DNAJC10: variants seen among roughly 807,000 people sequenced by gnomAD.
DNAJC10 encodes the protein DnaJ heat shock protein family (Hsp40) member C10.
Under a neutral mutation model 115.0 loss-of-function variants are expected in DNAJC10, and 101 were observed. The ratio of observed to expected loss-of-function variants is 0.88; its 90% CI spans 0.75 to 1.04. The LOEUF is 1.04. DNAJC10 is among the 50% of genes least tolerant of loss of function. The pLI is 0.00. For synonymous variants in DNAJC10, 307 were observed against 301.5 expected (o/e 1.02, Z -0.19); for missense variants, 981 against 928.8 (o/e 1.06, Z -0.73).
chr2:182,726,958 G>A (rs1321618202), intron 5 of DNAJC10, among the ~76,000 whole-genome samples: 2 of 152,096 alleles, frequency 1.3e-5, no homozygotes, highest in Non-Finnish European at 2.9e-5. Context: ...CTGGGCTCAA[G>A]TGATCCTCCT....
At position 182,736,382 on chromosome 2, in the gene DNAJC10, T is replaced by C. The variant is rs1693585564; in HGVS notation, c.983T>C (p.Ile328Thr). The change falls in exon 11 of 24, where the codon ATT (isoleucine) becomes ACT (threonine). Residue 328 changes from isoleucine to threonine, a missense_variant. By Grantham distance (89) the Ile-to-Thr change is moderately conservative (BLOSUM62 -1). Coordinates refer to ENST00000264065, the MANE Select transcript of DNAJC10 (RefSeq NM_018981.4). ...TTAAATAACAAAGAGAAAAACAGTA[T>C]TTTGGTATGAATCACTTTAAACTAA... ...ATLNNKEKNSILFLNSLDAKE... is the reference protein window; with the variant it reads ...ATLNNKEKNSTLFLNSLDAKE... 1 of 1,570,572 alleles carries C rather than the reference T, an allele frequency of 6.4e-7. No homozygotes were observed. The highest frequency in any genetic ancestry group is 8.6e-7 in the Non-Finnish European group (1 of 1,163,600).
rs1695031604 is a variant in DNAJC10, at chr2:182,790,584, A to C, written c.*13452A>C. The C allele has an allele frequency of 6.6e-6, 1 of 151,958 alleles. No individual in the cohort carries two copies. Among genetic ancestry groups the C allele is most frequent in the Non-Finnish European group, 1.5e-5 (1 of 68,016 alleles). The allele number at this position is 151,958 out of a possible 1,614,324, so 9.4% of individuals were successfully genotyped here. On this transcript the variant is annotated 3_prime_UTR_variant, in exon 24 of 24. Coordinates refer to ENST00000264065, the MANE Select transcript of DNAJC10 (RefSeq NM_018981.4). ...GTGGATCCCTTGAGGTTAAGAGTTC[A>C]AGACCAGCCTGGCCAACATGGTGAA...
intron 17 of DNAJC10, among the ~76,000 whole-genome samples, 194 bp from the exon 18 acceptor site, chr2:182,756,120 C>T (rs1472706887): frequency 6.6e-6 from 1 of 152,150 alleles, no homozygotes; most frequent in Non-Finnish European, 1.5e-5. Context: ...ATCTGAAATG[C>T]TCCAAAGTCT....
rs186958516 is a variant in DNAJC10 at position 182,717,998 on chromosome 2, C to T, written c.-89C>T. 1.1e-6 allele frequency: 1 copy of T among 913,322 alleles called. No individual in the cohort carries two copies. 56.6% of individuals were successfully genotyped at this position (913,322 alleles called of 1,614,324 possible). A position where few individuals can be genotyped will look rare whatever the true frequency, so the allele number is the denominator to read the frequency against. On this transcript the variant is annotated 5_prime_UTR_variant, in exon 3 of 24. Transcript: ENST00000264065. ...TGATTCACCCTTGAAGTAATGTAGA[C>T]AGAAGTTCTCAAATTTGCATATTAC...
Position 182,791,098 on chromosome 2 carries a change from A to C in DNAJC10, c.*13966A>C, listed in dbSNP as rs896986861. ...ATAAATTTAGTGGATAAATACCCCCACAGAGATCGACCCTGCATGAAATGT... is the reference window on the plus strand; with the variant it reads ...ATAAATTTAGTGGATAAATACCCCCCCAGAGATCGACCCTGCATGAAATGT... On this transcript the variant is annotated 3_prime_UTR_variant, in exon 24 of 24. Coordinates refer to ENST00000264065, the MANE Select transcript of DNAJC10 (RefSeq NM_018981.4). The C allele has an allele frequency of 6.6e-6, 1 of 152,116 alleles. No individual in the cohort carries two copies. Among genetic ancestry groups the C allele is most frequent in the East Asian group, 1.9e-4 (1 of 5,192 alleles). 9.4% of individuals were successfully genotyped at this position (152,116 alleles called of 1,614,324 possible). A position where few individuals can be genotyped will look rare whatever the true frequency, so the allele number is the denominator to read the frequency against.
At chr2:182,753,225 T>C (rs984594377) in intron 16 of DNAJC10, among the ~76,000 whole-genome samples, 1 of 152,186 alleles carries the variant, frequency 6.6e-6, no homozygotes, top group Non-Finnish European at 1.5e-5. Flanking sequence ...TTATTGTAGC[T>C]ATATGAATAC....
chr2:182,759,048 A>G, intron 20 of DNAJC10, 112 bp from the exon 21 acceptor site: 1 of 1,068,720 alleles, frequency 9.4e-7, no homozygotes, highest in East Asian at 2.6e-5. Context: ...ACTTTATTAC[A>G]TTGCCCTTCC....
In DNAJC10 at chr2:182,786,013, T is replaced by C. The variant is rs1346597075; in HGVS notation, c.*8881T>C. The C allele has an allele frequency of 1.3e-5, 2 of 152,152 alleles. No individual in the cohort carries two copies. The highest frequency in any genetic ancestry group is 4.8e-5 in the African/African-American group (2 of 41,428). The allele number at this position is 152,152 out of a possible 1,614,324, so 9.4% of individuals were successfully genotyped here. ...TAATAATCCAGGGACTTTGGGTAGT[T>C]GTTAAATGGATGGCTGTATCATAAG... On this transcript the variant is annotated 3_prime_UTR_variant, in exon 24 of 24. Transcript: ENST00000264065.
intron 5 of DNAJC10, among the ~76,000 whole-genome samples, chr2:182,724,975 A>G (rs1693246996): frequency 6.6e-6 from 1 of 152,150 alleles, no homozygotes. Context: ...TCCTTAACAA[A>G]TTGAAGGTTT....
At position 182,762,692 on chromosome 2, in the gene DNAJC10, G is replaced by A. The variant is rs755338808; in HGVS notation, c.2156G>A (p.Gly719Glu). ...ATTTTTCTTTTTCAGATGATTAAAG[G>A]AAAAGTGAAAGCTGGAAAAGTAGAC... ...EFELLARMIK[G>E]KVKAGKVDCQ... The change falls in exon 22 of 24, where the codon GGA becomes GAA. Residue 719 changes from glycine (G) to glutamate (E), a missense_variant. Coordinates refer to ENST00000264065, the MANE Select transcript of DNAJC10 (RefSeq NM_018981.4). 2 of 1,612,178 alleles carry A rather than the reference G, an allele frequency of 1.2e-6. No homozygotes were observed. The highest frequency in any genetic ancestry group is 2.2e-5 in the South Asian group (2 of 91,012).
chr2:182,768,694 A>G (rs1178788293), intron 22 of DNAJC10, among the ~76,000 whole-genome samples: 1 of 152,098 alleles, frequency 6.6e-6, no homozygotes, highest in Non-Finnish European at 1.5e-5. Flanking sequence ...CTTTTCAGCC[A>G]CCTTCCTGCT....
rs776120070 is a variant in DNAJC10 at position 182,736,288 on chromosome 2, C to G, written c.889C>G (p.Gln297Glu). The G allele has an allele frequency of 4.4e-6, 7 of 1,590,656 alleles. No homozygotes were observed. In the Admixed American group the frequency reaches 1.3e-4, roughly 29 times the overall value. Residue 297 changes from glutamine (Q) to glutamate (E), a missense_variant, in exon 11 of 24, where the codon CAG becomes GAG. By Grantham distance (29) the Gln-to-Glu change is conservative. Transcript: ENST00000264065. The part of the protein sequence containing the change: ...VNVGWMDCAT[Q>E]DNLCKSLDIT... ...TGTAGGATGGATGGACTGTGCCACC[C>G]AGGATAACCTTTGTAAAAGCTTAGA...
chr2:182,718,294 G>C lies in DNAJC10; in HGVS notation c.204+4G>C, dbSNP rs776908834. On this transcript the variant is annotated splice_donor_region_variant and intron_variant, in intron 3 of 23. Transcript: ENST00000264065. ...GTTACATCCTGATAAAAACCCGGTA[G>C]GTAAACGTTTGTTTTTAAAAATATT... 7.0e-6 allele frequency: 11 copies of C among 1,572,870 alleles called. No homozygotes were observed. The South Asian group carries it at 1.3e-4, about 19-fold the overall frequency.
chr2:182,768,266 T>C (rs1406084335), intron 22 of DNAJC10, among the ~76,000 whole-genome samples: 1 of 152,126 alleles, frequency 6.6e-6, no homozygotes, highest in Non-Finnish European at 1.5e-5. Context: ...AATCAACAGC[T>C]CTATTTCTCA....
chr2:182,723,747 C>T (rs903997782), intron 5 of DNAJC10, among the ~76,000 whole-genome samples: 1 of 152,160 alleles, frequency 6.6e-6, no homozygotes, highest in Non-Finnish European at 1.5e-5. Context: ...TAGAATGAGA[C>T]TTCACTGATA....
rs1694854758 is a variant in DNAJC10, at chr2:182,781,846, A to G, written c.*4714A>G. ...AATTTAAGTTCCTTGTAGATTCTGGATATTAGCCCTTTGTCAGATGGATAG... is the reference window on the plus strand; with the variant it reads ...AATTTAAGTTCCTTGTAGATTCTGGGTATTAGCCCTTTGTCAGATGGATAG... On this transcript the variant is annotated 3_prime_UTR_variant, in exon 24 of 24. Transcript: ENST00000264065. The G allele has an allele frequency of 1.3e-5, 2 of 151,924 alleles. No individual in the cohort carries two copies. The highest frequency in any genetic ancestry group is 4.8e-5 in the African/African-American group (2 of 41,316). 9.4% of individuals were successfully genotyped at this position (151,924 alleles called of 1,614,324 possible).
chr2:182,774,245 A>G (rs942974380), intron 22 of DNAJC10, among the ~76,000 whole-genome samples: 2 of 152,122 alleles, frequency 1.3e-5, no homozygotes, highest in Non-Finnish European at 2.9e-5. Flanking sequence ...GCAGCCGCCT[A>G]TATGAGGTGT....
chr2:182,748,613 TTC>T lies in DNAJC10; in HGVS notation c.1307-3039_1307-3038del, dbSNP rs535974931. 1.4e-3 allele frequency among the ~76,000 whole-genome samples: 209 copies of T among 152,326 alleles called. 1 individual carries two copies. The highest frequency in any genetic ancestry group is 4.9e-3 in the African/African-American group (202 of 41,574). ...ATTTTTTATTGCATCTATTTGATTCTTCTCTCTTTTTTTCCTTATTAGTCTTG... is the reference window on the plus strand; with the variant it reads ...ATTTTTTATTGCATCTATTTGATTCTTCTCTTTTTTTCCTTATTAGTCTTG... On this transcript the variant is annotated intron_variant, in intron 14 of 23. Coordinates refer to ENST00000264065, the MANE Select transcript of DNAJC10 (RefSeq NM_018981.4).
chr2:182,776,385 T>C (rs2105712411), intron 23 of DNAJC10, among the ~76,000 whole-genome samples: 1 of 152,278 alleles, frequency 6.6e-6, no homozygotes, highest in Middle Eastern at 3.4e-3. Flanking sequence ...GCAGTTCAGT[T>C]TTACCTTTTT....
Sources: gnomAD v4.1 joint callset for allele counts (sites outside exome capture counted in the v4.1 genomes callset) on GRCh38, gnomAD v4.1.1 for gene constraint, MANE v1.5 for transcripts, NCBI Gene and HGNC (gene_info 2026-07-23, HGNC 2026-07-21) for gene names.